GPC5: variants seen among roughly 807,000 people sequenced by gnomAD.
The protein encoded by GPC5 is glypican-5.
A neutral mutation model predicts 53.9 loss-of-function variants in GPC5; 47 were observed. The ratio of observed to expected loss-of-function variants is 0.87; its 90% CI spans 0.69 to 1.11. The LOEUF is 1.11. Among genes scored for constraint, GPC5 ranks in the 50% most tolerant of loss-of-function variants. The pLI is 0.00. For missense variants in GPC5, 748 were observed against 713.1 expected, an observed-to-expected ratio of 1.05 and a Z score of -0.56; for synonymous variants, 286 against 263.3, an observed-to-expected ratio of 1.09 and a Z score of -0.84.
chr13:92,745,025 A>C (rs1392684440), intron 7 of GPC5, among the ~76,000 whole-genome samples: 1 of 152,060 alleles, frequency 6.6e-6, no homozygotes, highest in Non-Finnish European at 1.5e-5. Context: ...TCATATCAAT[A>C]ACTGTAAAAT....
chr13:92,692,963 G>C (rs1887456752), intron 7 of GPC5, among the ~76,000 whole-genome samples: 1 of 151,650 alleles, frequency 6.6e-6, no homozygotes, highest in Non-Finnish European at 1.5e-5. Flanking sequence ...TTAAATCATG[G>C]GGGTGGTTTC....
intron 7 of GPC5, among the ~76,000 whole-genome samples, chr13:92,763,292 A>T (rs78285577): frequency 1.8e-4 from 27 of 152,248 alleles, no homozygotes; most frequent in African/African-American, 6.0e-4. Context: ...ATGGATCTTA[A>T]TGTACCAGTT....
chr13:91,863,899 G>T (rs1381482159), intron 5 of GPC5, among the ~76,000 whole-genome samples: 2 of 152,162 alleles, frequency 1.3e-5, no homozygotes, highest in Non-Finnish European at 2.9e-5. Context: ...GGAAGCTGAT[G>T]AAATACATAA....
chr13:91,809,897 GT>G (rs576228004), intron 5 of GPC5, among the ~76,000 whole-genome samples: 1 of 151,752 alleles, frequency 6.6e-6, no homozygotes, highest in African/African-American at 2.4e-5. Context: ...TAGTTCATTC[GT>G]TTTTTTGATG....
intron 2 of GPC5, among the ~76,000 whole-genome samples, chr13:91,682,517 A>G (rs9589332): frequency 0.021 from 3,192 of 152,296 alleles, 107 homozygotes; most frequent in African/African-American, 0.069. Flanking sequence ...ATTTACACGC[A>G]TGGGACTAGC....
intron 6 of GPC5, among the ~76,000 whole-genome samples, chr13:91,973,151 A>G (rs574742360): frequency 6.6e-6 from 1 of 152,184 alleles, no homozygotes; most frequent in African/African-American, 2.4e-5. Context: ...TATTTCTTGG[A>G]GGCTTTGTTC....
chr13:92,756,534 T>C (rs1040066136), intron 7 of GPC5, among the ~76,000 whole-genome samples: 62 of 151,946 alleles, frequency 4.1e-4, no homozygotes, highest in Non-Finnish European at 8.1e-4. Context: ...AAACAGGAAG[T>C]CAAATTGTCC....
intron 5 of GPC5, among the ~76,000 whole-genome samples, chr13:91,816,366 G>T (rs1161441522): frequency 1.3e-5 from 2 of 152,166 alleles, no homozygotes; most frequent in Non-Finnish European, 2.9e-5. Context: ...CTTTCAAGGA[G>T]ATGGTACTTC....
intron 3 of GPC5, among the ~76,000 whole-genome samples, chr13:91,726,303 A>C (rs16952625): frequency 0.072 from 10,908 of 152,204 alleles, 478 homozygotes; most frequent in Middle Eastern, 0.17. Flanking sequence ...TTTCTTATTC[A>C]GGACTACTTG....
At chr13:92,808,300 G>A (rs549723954) in intron 7 of GPC5, among the ~76,000 whole-genome samples, 1 of 152,072 alleles carries the variant, frequency 6.6e-6, no homozygotes, top group Admixed American at 6.6e-5. Flanking sequence ...GTATGCGTAT[G>A]CACACACACA....
chr13:92,680,676 CATT>C (rs1887085702), intron 7 of GPC5, among the ~76,000 whole-genome samples: 1 of 152,096 alleles, frequency 6.6e-6, no homozygotes, highest in South Asian at 2.1e-4. Context: ...TTGAGGATAT[CATT>C]AATAAACAAC....
At chr13:91,563,879 G>A (rs536817275) in intron 2 of GPC5, among the ~76,000 whole-genome samples, 17 of 151,998 alleles carry the variant, frequency 1.1e-4, no homozygotes, top group East Asian at 3.9e-4. Context: ...GCCTCCTCCC[G>A]GAGGACCGGG....
intron 2 of GPC5, among the ~76,000 whole-genome samples, chr13:91,587,297 G>A (rs2032634161): frequency 6.6e-6 from 1 of 152,068 alleles, no homozygotes; most frequent in Admixed American, 6.6e-5. Context: ...CAACTAAATC[G>A]AAGATTACTG....
rs138149188 is a variant in GPC5, at chr13:91,527,582, G to A, written c.325+78660G>A. Among the ~76,000 whole-genome samples the A allele has an allele frequency of 2.1e-3, 314 of 152,342 alleles. 3 individuals are homozygous for A. The highest frequency in any genetic ancestry group is 7.1e-3 in the African/African-American group (294 of 41,578). ...TGGATCTGCTATTCGGGCGTCTGGA[G>A]GACAGTGCCCACTTACAGCTCCACT... is the stretch of plus-strand genomic sequence containing the variant. On this transcript the variant is annotated intron_variant, in intron 2 of 7. Coordinates refer to ENST00000377067, the MANE Select transcript of GPC5 (RefSeq NM_004466.6).
intron 5 of GPC5, among the ~76,000 whole-genome samples, chr13:91,855,182 G>A (rs549088639): frequency 2.0e-5 from 3 of 151,772 alleles, no homozygotes; most frequent in Non-Finnish European, 3.0e-5. Flanking sequence ...GATGTTGACC[G>A]ACTTTACCTT....
intron 6 of GPC5, among the ~76,000 whole-genome samples, chr13:91,943,109 C>T (rs1012015419): frequency 3.3e-5 from 5 of 152,158 alleles, no homozygotes; most frequent in African/African-American, 4.8e-5. Flanking sequence ...CATAATTACA[C>T]ATGTTGTAAT....
chr13:92,759,295 T>A (rs544144251), intron 7 of GPC5, among the ~76,000 whole-genome samples: 2 of 152,146 alleles, frequency 1.3e-5, no homozygotes, highest in Admixed American at 6.6e-5. Flanking sequence ...ACTGGGATTT[T>A]GATAAGCATG....
At chr13:91,904,981 A>G (rs1392298375) in intron 5 of GPC5, among the ~76,000 whole-genome samples, 2 of 152,066 alleles carry the variant, frequency 1.3e-5, no homozygotes, top group Non-Finnish European at 2.9e-5. Flanking sequence ...AAATGCAGAA[A>G]CAGATTTTAG....
chr13:92,286,404 C>T (rs1048951671), intron 7 of GPC5, among the ~76,000 whole-genome samples: 3 of 152,030 alleles, frequency 2.0e-5, no homozygotes, highest in African/African-American at 4.8e-5. Context: ...CAAAGGATTA[C>T]AAATCATGCT....
Sources: gnomAD v4.1 joint callset for allele counts (sites outside exome capture counted in the v4.1 genomes callset) on GRCh38, gnomAD v4.1.1 for gene constraint, MANE v1.5 for transcripts, NCBI Gene and HGNC (gene_info 2026-07-23, HGNC 2026-07-21) for gene names.